The following FLNB variants were observed in gnomAD, a reference collection of about 807,000 sequenced individuals.
FLNB encodes filamin B.
Under a neutral mutation model 250.6 loss-of-function variants are expected in FLNB, and 111 were observed. The ratio of observed to expected loss-of-function variants is 0.44; its 90% CI spans 0.38 to 0.52. FLNB has a LOEUF of 0.52. Among genes scored for constraint, FLNB ranks in the 20% least tolerant of loss-of-function variants. FLNB has a pLI of 0.00. For synonymous variants in FLNB, 1,302 were observed against 1,372.1 expected, an observed-to-expected ratio of 0.95 and a Z score of 1.13; for missense variants, 2,869 against 3,447.8, an observed-to-expected ratio of 0.83 and a Z score of 4.20.
chr3:58,059,634 G>A (rs79685100), intron 1 of FLNB, among the ~76,000 whole-genome samples: 3,405 of 152,272 alleles, frequency 0.022, 122 homozygotes, highest in African/African-American at 0.077. Flanking sequence ...TGCCTGGCCT[G>A]CCCTTGGACA....
chr3:58,135,166 AT>A (rs2097313953), intron 27 of FLNB, among the ~76,000 whole-genome samples: 1 of 152,044 alleles, frequency 6.6e-6, no homozygotes, highest in Non-Finnish European at 1.5e-5. Flanking sequence ...CTATGTTTTT[AT>A]TTTTAAATGT....
intron 1 of FLNB, among the ~76,000 whole-genome samples, chr3:58,056,242 C>T (rs1328097043): frequency 1.3e-5 from 2 of 151,532 alleles, no homozygotes; most frequent in African/African-American, 2.4e-5. Flanking sequence ...GCTGGGATTA[C>T]AGGCGCCCAC....
At chr3:58,011,491 GT>G (rs774866132) in intron 1 of FLNB, among the ~76,000 whole-genome samples, 17 of 152,154 alleles carry the variant, frequency 1.1e-4, no homozygotes, top group Admixed American at 2.0e-4. Context: ...CAACAAACAG[GT>G]TTTCCAGCCT....
intron 1 of FLNB, among the ~76,000 whole-genome samples, chr3:58,061,304 T>TA (rs1411163004): frequency 6.6e-6 from 1 of 152,240 alleles, no homozygotes; most frequent in Non-Finnish European, 1.5e-5. Context: ...TATCATTTCA[T>TA]AATACCTGTT....
rs2177153 is a variant in FLNB at position 58,106,619 on chromosome 3, A to G, written c.1748-61A>G. 439,082 of 1,502,124 alleles carry G rather than the reference A, an allele frequency of 0.29. 68,185 individuals carry two copies. Among genetic ancestry groups the G allele is most frequent in the Middle Eastern group, 0.37 (2,187 of 5,872 alleles). 93.0% of individuals were successfully genotyped at this position (1,502,124 alleles called of 1,614,324 possible). A position where few individuals can be genotyped will look rare whatever the true frequency, so the allele number is the denominator to read the frequency against. ...GGAGGCAGCGGGAATGAGCTGTCGTAACATAGAATAGGTGCTTTCCACCAT... is the reference window on the plus strand; with the variant it reads ...GGAGGCAGCGGGAATGAGCTGTCGTGACATAGAATAGGTGCTTTCCACCAT... On this transcript the variant is annotated intron_variant, in intron 11 of 45. Transcript: ENST00000295956.
At chr3:58,167,357 C>T (rs1278454003) in intron 43 of FLNB, among the ~76,000 whole-genome samples, 1 of 152,202 alleles carries the variant, frequency 6.6e-6, no homozygotes, top group Non-Finnish European at 1.5e-5. Flanking sequence ...CCAGGAACAG[C>T]TGGGTTGTGT....
chr3:58,151,857 C>T (rs975540090), intron 38 of FLNB, among the ~76,000 whole-genome samples: 1 of 152,338 alleles, frequency 6.6e-6, no homozygotes, highest in Admixed American at 6.5e-5. Context: ...CAGATGCTGC[C>T]ATGCCTTGGC....
intron 1 of FLNB, among the ~76,000 whole-genome samples, chr3:58,056,097 A>G (rs1027687832): frequency 1.5e-5 from 2 of 131,474 alleles, no homozygotes; most frequent in African/African-American, 4.1e-5. Context: ...TTATTTATTT[A>G]TTTATTTATT....
chr3:58,133,726 TA>T (rs1206996149), intron 26 of FLNB, among the ~76,000 whole-genome samples: 1 of 152,102 alleles, frequency 6.6e-6, no homozygotes, highest in African/African-American at 2.4e-5. Flanking sequence ...TTTCTTTTTT[TA>T]AAAAATCATG....
At chr3:58,010,864 G>T (rs1158539731) in intron 1 of FLNB, among the ~76,000 whole-genome samples, 1 of 151,910 alleles carries the variant, frequency 6.6e-6, no homozygotes, top group Admixed American at 6.6e-5. Flanking sequence ...TCTCATTCTA[G>T]ATTTTGTCTA....
intron 1 of FLNB, among the ~76,000 whole-genome samples, chr3:58,073,967 G>A (rs1215948807): frequency 1.3e-5 from 2 of 152,212 alleles, no homozygotes; most frequent in Non-Finnish European, 2.9e-5. Context: ...AAGAGAATCT[G>A]TCTCCTGTCT....
intron 1 of FLNB, among the ~76,000 whole-genome samples, chr3:58,056,101 ATTTATTTTT>A (rs1318663292): frequency 1.5e-5 from 2 of 131,142 alleles, no homozygotes; most frequent in African/African-American, 8.0e-5. Flanking sequence ...TTATTTATTT[ATTTATTTTT>A]TTTTTTTTTG....
rs769998318 is a variant in FLNB, at chr3:58,171,782, A to T, written c.*1020A>T. On this transcript the variant is annotated 3_prime_UTR_variant, in exon 46 of 46. Coordinates refer to ENST00000295956, the MANE Select transcript of FLNB (RefSeq NM_001457.4). The surrounding 1 kb of genome is among the most constrained non-coding windows in gnomAD (Gnocchi z 5.5). ...ATCTGTACAGACAGGACAGAATGAA[A>T]CTCCTGCGGGTCTTTGGCCTGAAAG... The T allele has an allele frequency of 1.3e-5, 2 of 152,272 alleles. No homozygotes were observed. The highest frequency in any genetic ancestry group is 4.8e-5 in the African/African-American group (2 of 41,418). 9.4% of individuals were successfully genotyped at this position (152,272 alleles called of 1,614,324 possible). A position where few individuals can be genotyped will look rare whatever the true frequency, so the allele number is the denominator to read the frequency against.
chr3:58,148,929 T>A (rs2097340386), intron 36 of FLNB, 77 bp downstream of exon 36: 1 of 1,232,408 alleles, frequency 8.1e-7, no homozygotes, highest in African/African-American at 1.5e-5. Context: ...CATCTTTTCA[T>A]CCTACCAACT....
chr3:58,028,971 A>G (rs2097127145), intron 1 of FLNB, among the ~76,000 whole-genome samples: 1 of 151,802 alleles, frequency 6.6e-6, no homozygotes, highest in African/African-American at 2.4e-5. Context: ...AATCCTAGCT[A>G]CTTGGGAGGC....
chr3:58,125,062 A>G (rs1232881647), intron 22 of FLNB, among the ~76,000 whole-genome samples: 2 of 152,010 alleles, frequency 1.3e-5, no homozygotes, highest in Non-Finnish European at 2.9e-5. Flanking sequence ...GTTGGGGTGG[A>G]GTGGCTTATG....
At chr3:58,125,507 T>C in intron 22 of FLNB, 74 bp from the exon 23 acceptor site, 2 of 1,535,680 alleles carry the variant, frequency 1.3e-6, no homozygotes. Flanking sequence ...GATGAAACTC[T>C]GAAGTAGAGA....
intron 20 of FLNB, among the ~76,000 whole-genome samples, chr3:58,122,496 CA>C (rs11320902): frequency 0.38 from 49,658 of 130,712 alleles, 9,556 homozygotes; most frequent in East Asian, 0.9. Context: ...CCGTCCCCTC[CA>C]AAAAAAAAAA....
intron 32 of FLNB, among the ~76,000 whole-genome samples, chr3:58,145,567 C>G (rs1026759511): frequency 3.9e-5 from 6 of 152,202 alleles, no homozygotes; most frequent in Non-Finnish European, 7.3e-5. Flanking sequence ...TCCAAAAGCC[C>G]TTTCCACTTA....
Sources: gnomAD v4.1 joint callset for allele counts (sites outside exome capture counted in the v4.1 genomes callset) on GRCh38, gnomAD v4.1.1 for gene constraint, Gnocchi (gnomAD v3.1) non-coding constraint, MANE v1.5 for transcripts, NCBI Gene and HGNC (gene_info 2026-07-23, HGNC 2026-07-21) for gene names.